SLC9C2: variants seen among roughly 807,000 people sequenced by gnomAD.
SLC9C2 encodes sodium/hydrogen exchanger 11.
SLC9C2 carries 75 observed loss-of-function variants against 140.2 expected under a neutral mutation model. That is an observed-to-expected ratio of 0.53 (90% CI 0.44 to 0.65). The LOEUF (loss-of-function observed/expected upper bound fraction) is 0.65, where lower values mean the gene tolerates loss of function less well. Among genes scored for constraint, SLC9C2 ranks in the 30% least tolerant of loss-of-function variants. The pLI is 0.00. For missense variants in SLC9C2, 1,074 were observed against 1,331.8 expected, an observed-to-expected ratio of 0.81 and a Z score of 3.01; for synonymous variants, 375 against 420.9, an observed-to-expected ratio of 0.89 and a Z score of 1.34.
chr1:173,543,709 C>A (rs1662615671), intron 13 of SLC9C2, among the ~76,000 whole-genome samples: 1 of 152,208 alleles, frequency 6.6e-6, no homozygotes, highest in Non-Finnish European at 1.5e-5. Context: ...CACACATCTA[C>A]AACCATCTGA....
chr1:173,520,657 T>C (rs1224949744), intron 22 of SLC9C2, among the ~76,000 whole-genome samples: 7 of 152,234 alleles, frequency 4.6e-5, no homozygotes, highest in African/African-American at 1.7e-4. Flanking sequence ...ATAAGTGTTA[T>C]ATTGTGTTAG....
Position 173,557,364 on chromosome 1 carries a change from T to C in SLC9C2, c.1191A>G (p.Glu397=), listed in dbSNP as rs369687110. 7.4e-6 allele frequency: 12 copies of C among 1,612,734 alleles called. No homozygotes were observed. The Admixed American group carries it at 1.0e-4, about 14-fold the overall frequency. Residue 397 remains glutamate (E), a synonymous_variant, in exon 10 of 28, where the codon GAA becomes GAG. Coordinates refer to ENST00000367714, the MANE Select transcript of SLC9C2 (RefSeq NM_178527.4). Reference sequence around the variant, plus strand: ...CCATTTGTGGTACTTCCACTTTTCGTTCAGCGAGATTATAAACATCAGGAG... The same window carrying C: ...CCATTTGTGGTACTTCCACTTTTCGCTCAGCGAGATTATAAACATCAGGAG... ...LWAPDVYNLA[E]RKVEVPQMFI...
chr1:173,526,691 G>A lies in SLC9C2; in HGVS notation c.2337C>T (p.Thr779=). 6.3e-7 allele frequency: 1 copy of A among 1,593,702 alleles called. No individual in the cohort carries two copies. The highest frequency in any genetic ancestry group is 8.5e-7 in the Non-Finnish European group (1 of 1,174,520). ...IYQKLCEILE[T]NKQDAVKELV... is the part of the protein sequence containing the mutation. ...ATTCTTTGACAGCATCCTGTTTGTT[G>A]GTTTCCAAAATTTCACATAGTTTCT... Residue 779 remains threonine (T), a synonymous_variant, in exon 19 of 28, where the codon ACC becomes ACT. Coordinates refer to ENST00000367714, the MANE Select transcript of SLC9C2 (RefSeq NM_178527.4).
At position 173,526,728 on chromosome 1, in the gene SLC9C2, A is replaced by G. The variant is rs371919545; in HGVS notation, c.2314-14T>C. On this transcript the variant is annotated splice_polypyrimidine_tract_variant and intron_variant, in intron 18 of 27. Coordinates refer to ENST00000367714, the MANE Select transcript of SLC9C2 (RefSeq NM_178527.4). ...TTCACATAGTTTCTGTAAAAAATTAAGAAAAACATGTATTTCTTATTATTC... is the reference window on the plus strand; with the variant it reads ...TTCACATAGTTTCTGTAAAAAATTAGGAAAAACATGTATTTCTTATTATTC... The G allele has an allele frequency of 1.8e-5, 28 of 1,513,570 alleles. No homozygotes were observed. The South Asian group carries it at 1.9e-4, about 10-fold the overall frequency. The allele number at this position is 1,513,570 out of a possible 1,614,324, so 93.8% of individuals were successfully genotyped here. A position where few individuals can be genotyped will look rare whatever the true frequency, so the allele number is the denominator to read the frequency against.
chr1:173,565,071 G>C (rs10912644), intron 9 of SLC9C2, among the ~76,000 whole-genome samples: 2 of 149,040 alleles, frequency 1.3e-5, no homozygotes, highest in African/African-American at 4.9e-5. Flanking sequence ...GGGTTCAAGC[G>C]ATTCTCCTGC....
chr1:173,589,821 G>A (rs1226118405), intron 4 of SLC9C2, among the ~76,000 whole-genome samples: 1 of 152,132 alleles, frequency 6.6e-6, no homozygotes, highest in East Asian at 1.9e-4. Flanking sequence ...GTTACATATT[G>A]TTAAAGTAGT....
intron 11 of SLC9C2, among the ~76,000 whole-genome samples, chr1:173,553,901 A>G (rs927011073): frequency 6.6e-6 from 1 of 152,228 alleles, no homozygotes; most frequent in African/African-American, 2.4e-5. Context: ...GGATCAGGCC[A>G]TGGCATATTG....
At chr1:173,524,963 A>G (rs774677801) in intron 19 of SLC9C2, 36 bp from the exon 20 acceptor site, 8 of 1,604,864 alleles carry the variant, frequency 5.0e-6, no homozygotes, top group Non-Finnish European at 6.0e-6. Flanking sequence ...TAAGTGGCCT[A>G]TGCAATAACC....
intron 27 of SLC9C2, 84 bp downstream of exon 27, chr1:173,503,182 G>T (rs745363386): frequency 4.9e-5 from 54 of 1,094,184 alleles, no homozygotes; most frequent in Non-Finnish European, 6.6e-5. Flanking sequence ...CCTACAATTT[G>T]CTATTTTGCC....
chr1:173,543,368 T>C (rs1039363777), intron 13 of SLC9C2, among the ~76,000 whole-genome samples: 4 of 152,124 alleles, frequency 2.6e-5, no homozygotes, highest in African/African-American at 7.2e-5. Flanking sequence ...CAGAAACAAA[T>C]GGAAGAACAT....
At chr1:173,505,037 G>C (rs1659535213) in intron 26 of SLC9C2, among the ~76,000 whole-genome samples, 1 of 152,184 alleles carries the variant, frequency 6.6e-6, no homozygotes, top group South Asian at 2.1e-4. Context: ...GGACATGGCA[G>C]AGGAAGGAGC....
At chr1:173,524,675 AAC>A in intron 20 of SLC9C2, 102 bp downstream of exon 20, 1 of 1,258,610 alleles carries the variant, frequency 7.9e-7, no homozygotes, top group Non-Finnish European at 1.1e-6. Context: ...TTATAGAGTT[AAC>A]ACCTGTGGTT....
chr1:173,534,132 C>T (rs1275854311), intron 16 of SLC9C2, among the ~76,000 whole-genome samples: 1 of 152,122 alleles, frequency 6.6e-6, no homozygotes, highest in Non-Finnish European at 1.5e-5. Context: ...AATTAACTCA[C>T]ATTTTATGAC....
chr1:173,538,008 TG>T (rs1212379065), intron 13 of SLC9C2, among the ~76,000 whole-genome samples: 1 of 152,200 alleles, frequency 6.6e-6, no homozygotes, highest in Admixed American at 6.5e-5. Context: ...TCTTAAAATT[TG>T]AGGGATGATA....
chr1:173,596,138 T>C (rs1483048118), intron 4 of SLC9C2, among the ~76,000 whole-genome samples: 1 of 152,216 alleles, frequency 6.6e-6, no homozygotes, highest in Non-Finnish European at 1.5e-5. Context: ...TGCTGAGTAA[T>C]ATTTCATTGA....
Position 173,600,215 on chromosome 1 carries a change from G to A in SLC9C2, c.130C>T (p.Leu44Phe), listed in dbSNP as rs752647057. 7 of 1,607,448 alleles carry A rather than the reference G, an allele frequency of 4.4e-6. No homozygotes were observed. In the Admixed American group the frequency reaches 1.2e-4, roughly 27 times the overall value. The change falls in exon 3 of 28, where the codon CTT (leucine) becomes TTT (phenylalanine). Residue 44 changes from leucine (L) to phenylalanine (F), a missense_variant and splice_region_variant. Transcript: ENST00000367714. Reference protein sequence around the residue: ...LVCFIVVLGGLLKMCLKNCEV... With the variant: ...LVCFIVVLGGFLKMCLKNCEV... ...CAATTCTTTAAACACATCTTCAAAAGCCCTAAATGTGAAAAACAGAATAGT... is the reference window on the plus strand; with the variant it reads ...CAATTCTTTAAACACATCTTCAAAAACCCTAAATGTGAAAAACAGAATAGT...
chr1:173,561,770 A>G (rs1664126186), intron 9 of SLC9C2, among the ~76,000 whole-genome samples: 1 of 151,916 alleles, frequency 6.6e-6, no homozygotes. Context: ...TGCCACCACC[A>G]GTGACCAATC....
rs1661098310 is a variant in SLC9C2 at position 173,525,004 on chromosome 1, A to G, written c.2366-77T>C. 7 of 1,409,222 alleles carry G rather than the reference A, an allele frequency of 5.0e-6. No individual in the cohort carries two copies. The East Asian group carries it at 1.7e-4, about 34-fold the overall frequency. The allele number at this position is 1,409,222 out of a possible 1,614,324, so 87.3% of individuals were successfully genotyped here. A position where few individuals can be genotyped will look rare whatever the true frequency, so the allele number is the denominator to read the frequency against. ...AACTAATATTAGTATAATACTGTAT[A>G]ATTTCCAAAGCATTTACACAATATT... On this transcript the variant is annotated intron_variant, in intron 19 of 27. Transcript: ENST00000367714.
intron 23 of SLC9C2, among the ~76,000 whole-genome samples, chr1:173,512,159 T>C (rs568024009): frequency 6.6e-6 from 1 of 152,344 alleles, no homozygotes; most frequent in East Asian, 1.9e-4. Context: ...CCATATGAAA[T>C]TTAAAATAGT....
Sources: gnomAD v4.1 joint callset for allele counts (sites outside exome capture counted in the v4.1 genomes callset) on GRCh38, gnomAD v4.1.1 for gene constraint, MANE v1.5 for transcripts, NCBI Gene and HGNC (gene_info 2026-07-23, HGNC 2026-07-21) for gene names.